RBFOX1: variants seen among roughly 807,000 people sequenced by gnomAD.
RBFOX1 encodes the protein RNA binding fox-1 homolog 1, also known as RNA binding protein fox-1 homolog 1.
RBFOX1 carries 8 observed loss-of-function variants against 57.7 expected under a neutral mutation model. The observed-to-expected ratio is 0.14, with a 90% CI of 0.08 to 0.25. The LOEUF is 0.25. Ranked by LOEUF, RBFOX1 falls within the 10% of genes least tolerant of loss-of-function variation. The pLI is 1.00. For missense variants in RBFOX1, 611 were observed against 548.5 expected (o/e 1.11, Z -1.14); for synonymous variants, 326 against 222.4 (o/e 1.47, Z -4.15).
At chr16:5,445,767 A>G (rs570704889) in intron 1 of RBFOX1, among the ~76,000 whole-genome samples, 2 of 152,354 alleles carry the variant, frequency 1.3e-5, no homozygotes, top group South Asian at 4.1e-4. Context: ...CATTGCCACT[A>G]AATTTTTCTA....
chr16:6,332,171 G>A (rs1053593055), intron 2 of RBFOX1, among the ~76,000 whole-genome samples: 1 of 152,146 alleles, frequency 6.6e-6, no homozygotes, highest in African/African-American at 2.4e-5. Context: ...CTCATTTAAG[G>A]TTTGAGGAAG....
chr16:6,859,119 A>ATATATATGTATATATATATATG, intron 3 of RBFOX1, among the ~76,000 whole-genome samples: 1 of 82,178 alleles, frequency 1.2e-5, no homozygotes, highest in Non-Finnish European at 2.0e-5. Flanking sequence ...GTGTATATAT[A>ATATATATGTATATATATATATG]TATATATATA....
chr16:7,053,233 A>G (rs1038849524), intron 4 of RBFOX1, among the ~76,000 whole-genome samples: 2 of 152,188 alleles, frequency 1.3e-5, no homozygotes, highest in East Asian at 3.9e-4. Context: ...AAAGTGAGAC[A>G]AGGTTTTCTG....
chr16:5,626,719 T>C (rs901224260), intron 3 of RBFOX1, among the ~76,000 whole-genome samples: 5 of 152,160 alleles, frequency 3.3e-5, no homozygotes, highest in African/African-American at 1.2e-4. Context: ...AGGAATGAGT[T>C]TCCTTACTTT....
intron 3 of RBFOX1, among the ~76,000 whole-genome samples, chr16:6,817,223 C>T (rs1328404100): frequency 2.0e-5 from 3 of 152,072 alleles, no homozygotes; most frequent in African/African-American, 7.2e-5. Flanking sequence ...AACTTTGTTG[C>T]AGAGATTTTA....
intron 5 of RBFOX1, among the ~76,000 whole-genome samples, chr16:7,567,985 C>T (rs899442958): frequency 6.6e-6 from 1 of 151,180 alleles, no homozygotes; most frequent in East Asian, 2.0e-4. Context: ...CATTAAAATG[C>T]CAAATTTATT....
intron 1 of RBFOX1, among the ~76,000 whole-genome samples, chr16:5,368,796 C>T (rs2065789137): frequency 1.3e-5 from 2 of 152,132 alleles, no homozygotes; most frequent in African/African-American, 4.8e-5. Flanking sequence ...AATCCAGGGT[C>T]TTCTGGGGTC....
chr16:7,119,011 C>A (rs2066524222), intron 4 of RBFOX1, among the ~76,000 whole-genome samples: 1 of 152,088 alleles, frequency 6.6e-6, no homozygotes, highest in African/African-American at 2.4e-5. Context: ...TGCCAGAGGA[C>A]ACTCATGGGG....
intron 3 of RBFOX1, among the ~76,000 whole-genome samples, chr16:5,720,452 A>G (rs777291136): frequency 2.2e-4 from 33 of 152,192 alleles, no homozygotes; most frequent in East Asian, 1.5e-3. Flanking sequence ...GTTAATCGCA[A>G]TGAACCTATT....
Position 7,579,758 on chromosome 16 carries a change from TTTC to T in RBFOX1, c.271-13_271-11del. 6.2e-7 allele frequency: 1 copy of T among 1,613,598 alleles called. No individual in the cohort carries two copies. Among genetic ancestry groups the T allele is most frequent in the Non-Finnish European group, 8.5e-7 (1 of 1,179,782 alleles). The stretch of plus-strand genomic sequence containing the variant: ...TGTGGTCCACTGAGAACCTCTTCGG[TTTC>T]TTCTTGTTCTTTTAGCAGACAGATG... On this transcript the variant is annotated splice_polypyrimidine_tract_variant and intron_variant, in intron 5 of 15. Transcript: ENST00000550418.
intron 1 of RBFOX1, among the ~76,000 whole-genome samples, chr16:6,313,484 C>T (rs1424080854): frequency 6.6e-6 from 1 of 152,070 alleles, no homozygotes; most frequent in Admixed American, 6.6e-5. Flanking sequence ...CAGTAGCCAG[C>T]CCTGTTTAGA....
chr16:6,238,368 C>T (rs1016597206), intron 1 of RBFOX1, among the ~76,000 whole-genome samples: 2 of 152,266 alleles, frequency 1.3e-5, no homozygotes, highest in East Asian at 1.9e-4. Flanking sequence ...CCCAGCAGCA[C>T]ATCTTAATAT....
intron 4 of RBFOX1, among the ~76,000 whole-genome samples, chr16:7,352,670 C>G (rs946553329): frequency 3.9e-5 from 6 of 152,060 alleles, no homozygotes; most frequent in African/African-American, 1.4e-4. Flanking sequence ...AGGATGCACT[C>G]TTGTCCTGGA....
intron 3 of RBFOX1, among the ~76,000 whole-genome samples, chr16:5,764,169 A>G (rs1199309939): frequency 1.3e-5 from 2 of 152,172 alleles, no homozygotes; most frequent in African/African-American, 4.8e-5. Flanking sequence ...GGATGATTGC[A>G]TTTGGGCTAC....
At position 5,812,803 on chromosome 16, in the gene RBFOX1, G is replaced by A. The variant is rs150534570; in HGVS notation, c.319-54500G>A. Among the ~76,000 whole-genome samples, 88 of 152,174 alleles carry A rather than the reference G, an allele frequency of 5.8e-4. 1 individual carries two copies. Among genetic ancestry groups the A allele is most frequent in the African/African-American group, 2.0e-3 (83 of 41,514 alleles). On this transcript the variant is annotated intron_variant, in intron 3 of 19. Coordinates refer to the RBFOX1 transcript ENST00000641259. ...GTTAGACATTCTTACAGGTATATAC[G>A]GGTATATGACTGTGATTTTAATTTG...
intron 4 of RBFOX1, among the ~76,000 whole-genome samples, chr16:5,970,239 A>G (rs149445886): frequency 2.0e-5 from 3 of 152,058 alleles, no homozygotes; most frequent in Non-Finnish European, 4.4e-5. Flanking sequence ...GTTGTTTCTC[A>G]TAGATGTTGT....
intron 3 of RBFOX1, among the ~76,000 whole-genome samples, chr16:5,658,315 C>G (rs1241753199): frequency 2.6e-5 from 4 of 152,146 alleles, no homozygotes; most frequent in Admixed American, 2.6e-4. Context: ...GGAGCAAACT[C>G]CTCGTTGCAG....
intron 4 of RBFOX1, among the ~76,000 whole-genome samples, chr16:5,928,752 C>T (rs754707753): frequency 6.6e-6 from 1 of 151,518 alleles, no homozygotes; most frequent in African/African-American, 2.4e-5. Context: ...TGCCTCAATC[C>T]TGGTATTGTG....
chr16:6,675,588 G>A (rs2057497262), intron 3 of RBFOX1, among the ~76,000 whole-genome samples: 1 of 152,198 alleles, frequency 6.6e-6, no homozygotes, highest in Admixed American at 6.5e-5. Flanking sequence ...ATGTACCTGA[G>A]ACTGGGTAAT....
Sources: gnomAD v4.1 joint callset for allele counts (sites outside exome capture counted in the v4.1 genomes callset) on GRCh38, gnomAD v4.1.1 for gene constraint, MANE v1.5 for transcripts, NCBI Gene and HGNC (gene_info 2026-07-23, HGNC 2026-07-21) for gene names.